Variants in THRAP3 observed in about 807,000 individuals in gnomAD.
THRAP3 encodes the protein thyroid hormone receptor-associated protein 3.
A neutral mutation model predicts 101.0 loss-of-function variants in THRAP3; 16 were observed. That is an observed-to-expected ratio of 0.16 (90% confidence interval 0.11 to 0.24). The LOEUF (loss-of-function observed/expected upper bound fraction) is 0.24, where lower values mean the gene tolerates loss of function less well. THRAP3 is among the 10% of genes least tolerant of loss of function. The probability of loss-of-function intolerance (pLI) is 1.00; values close to 1 mark genes in which losing one functional copy is unlikely to be tolerated. For synonymous variants in THRAP3, 407 were observed against 422.6 expected, an observed-to-expected ratio of 0.96 and a Z score of 0.45; for missense variants, 989 against 1,202.7, an observed-to-expected ratio of 0.82 and a Z score of 2.63.
chr1:36,250,780 G>T (rs376257065), intron 1 of THRAP3, among the ~76,000 whole-genome samples: 1 of 151,632 alleles, frequency 6.6e-6, no homozygotes, highest in African/African-American at 2.4e-5. Flanking sequence ...GGGCGTGGTG[G>T]TGCGCGCCTG....
At chr1:36,283,240 A>G (rs1645756063) in intron 3 of THRAP3, among the ~76,000 whole-genome samples, 1 of 152,218 alleles carries the variant, frequency 6.6e-6, no homozygotes, top group African/African-American at 2.4e-5. Flanking sequence ...GCTATTGAAA[A>G]CATCACTTTA....
intron 2 of THRAP3, among the ~76,000 whole-genome samples, chr1:36,274,338 G>A (rs11263869): frequency 0.95 from 143,935 of 152,186 alleles, 68,597 homozygotes; most frequent in Middle Eastern, 1. Flanking sequence ...TAAGATGGCA[G>A]TATTCTCCAA....
At chr1:36,224,193 C>G (rs148808717), upstream of THRAP3, among the ~76,000 whole-genome samples, 1,006 of 152,368 alleles carry the variant, frequency 6.6e-3, 17 homozygotes, top group Middle Eastern at 0.01. Flanking sequence ...CGTCCACCGC[C>G]CTCCTCCATC....
At chr1:36,255,358 G>A (rs1456758511) in intron 1 of THRAP3, among the ~76,000 whole-genome samples, 1 of 151,624 alleles carries the variant, frequency 6.6e-6, no homozygotes, top group East Asian at 2.0e-4. Context: ...GCCGGGTACT[G>A]TGGCTCGCAC....
chr1:36,222,705 G>A (rs1174874878), upstream of THRAP3, among the ~76,000 whole-genome samples: 1 of 151,318 alleles, frequency 6.6e-6, no homozygotes, highest in African/African-American at 2.4e-5. Flanking sequence ...CACCGCGCCC[G>A]GCCTATGCCT....
intron 5 of THRAP3, 78 bp from the exon 6 acceptor site, chr1:36,291,296 C>A: frequency 6.9e-7 from 1 of 1,442,084 alleles, no homozygotes; most frequent in Non-Finnish European, 9.3e-7. Flanking sequence ...TAAAACTCTT[C>A]AAAAAAGTAT....
intron 10 of THRAP3, 63 bp from the exon 11 acceptor site, chr1:36,301,489 AG>A (rs1557461416): frequency 8.3e-6 from 13 of 1,571,526 alleles, no homozygotes; most frequent in Non-Finnish European, 1.1e-5. Flanking sequence ...AACAAAAAGC[AG>A]GGGGGTTTGT....
chr1:36,254,157 G>C (rs1326288972), intron 1 of THRAP3, among the ~76,000 whole-genome samples: 1 of 152,098 alleles, frequency 6.6e-6, no homozygotes, highest in Non-Finnish European at 1.5e-5. Flanking sequence ...CTAGGTGACG[G>C]AGACCACGTC....
chr1:36,227,998 C>T (rs1007757706), intron 1 of THRAP3, among the ~76,000 whole-genome samples: 2 of 151,844 alleles, frequency 1.3e-5, no homozygotes, highest in South Asian at 4.2e-4. Context: ...GCCTCAGCCT[C>T]CCAAGTAGCT....
Position 36,286,893 on chromosome 1 carries a change from G to A in THRAP3, c.663G>A (p.Lys221=), listed in dbSNP as rs1169070357. 3 of 1,614,140 alleles carry A rather than the reference G, an allele frequency of 1.9e-6. No homozygotes were observed. Among genetic ancestry groups the A allele is most frequent in the African/African-American group, 1.3e-5 (1 of 75,070 alleles). The change falls in exon 4 of 12, where the codon AAG becomes AAA. Residue 221 remains lysine, a synonymous_variant. Transcript: ENST00000354618. The surrounding 1 kb of genome is among the most constrained non-coding windows in gnomAD (Gnocchi z 5.5). ...ATACAAAAGCATCTGAGAGCTCGAAGCCATGGCCAGATGCCACCTACGGCA... is the reference window on the plus strand; with the variant it reads ...ATACAAAAGCATCTGAGAGCTCGAAACCATGGCCAGATGCCACCTACGGCA... ...SQDTKASESS[K]PWPDATYGTG... is the part of the protein sequence containing the mutation.
chr1:36,257,035 G>A (rs1481336911), intron 1 of THRAP3, among the ~76,000 whole-genome samples: 1 of 152,136 alleles, frequency 6.6e-6, no homozygotes, highest in Non-Finnish European at 1.5e-5. Flanking sequence ...GACCTCAGGT[G>A]ATCTGCCCGC....
intron 1 of THRAP3, among the ~76,000 whole-genome samples, chr1:36,237,806 G>A (rs994870339): frequency 6.6e-6 from 1 of 152,018 alleles, no homozygotes; most frequent in African/African-American, 2.4e-5. Flanking sequence ...CAACTAGGTA[G>A]GAAATAGGTT....
At chr1:36,250,706 G>A (rs1175907908) in intron 1 of THRAP3, among the ~76,000 whole-genome samples, 4 of 151,300 alleles carry the variant, frequency 2.6e-5, no homozygotes, top group Non-Finnish European at 1.5e-5. Context: ...GAGGGCGGGA[G>A]TTCGAGACCA....
chr1:36,208,949 G>GTAATTAC, the THRAP3 span, among the ~76,000 whole-genome samples: 1 of 141,988 alleles, frequency 7.0e-6, no homozygotes, highest in African/African-American at 2.6e-5. Context: ...TTACAGACGT[G>GTAATTAC]AGCCACCATG....
chr1:36,301,161 G>A, intron 10 of THRAP3, 77 bp downstream of exon 10: 1 of 1,432,656 alleles, frequency 7.0e-7, no homozygotes, highest in Non-Finnish European at 9.5e-7. Flanking sequence ...CAGAATACCA[G>A]TTTTGTTGCC....
At chr1:36,231,250 AG>A (rs1010595573) in intron 1 of THRAP3, among the ~76,000 whole-genome samples, 1 of 152,174 alleles carries the variant, frequency 6.6e-6, no homozygotes, top group African/African-American at 2.4e-5. Context: ...GAAGCAATGC[AG>A]GGGGAACCCC....
At chr1:36,275,581 T>G (rs1645648623) in intron 2 of THRAP3, among the ~76,000 whole-genome samples, 2 of 102,920 alleles carry the variant, frequency 1.9e-5, no homozygotes, top group Non-Finnish European at 3.9e-5. Context: ...AGCAAGACTC[T>G]GTCTCAAAAA....
intron 1 of THRAP3, among the ~76,000 whole-genome samples, chr1:36,243,742 CAG>C (rs1645194051): frequency 6.6e-6 from 1 of 151,752 alleles, no homozygotes; most frequent in South Asian, 2.1e-4. Flanking sequence ...GGTGGCCGGG[CAG>C]AGGGGCTCCT....
chr1:36,213,939 GA>G, the THRAP3 span, among the ~76,000 whole-genome samples: 2 of 119,876 alleles, frequency 1.7e-5, no homozygotes, highest in Admixed American at 8.3e-5. Context: ...AAGAAAGAAA[GA>G]AAGAAAGAAA....
Sources: gnomAD v4.1 joint callset for allele counts (sites outside exome capture counted in the v4.1 genomes callset) on GRCh38, gnomAD v4.1.1 for gene constraint, Gnocchi (gnomAD v3.1) non-coding constraint, MANE v1.5 for transcripts, NCBI Gene and HGNC (gene_info 2026-07-23, HGNC 2026-07-21) for gene names.